The following RNGTT variants were observed in gnomAD, a reference collection of about 807,000 sequenced individuals.
RNGTT encodes RNA guanylyltransferase and 5'-phosphatase.
A neutral mutation model predicts 79.3 loss-of-function variants in RNGTT; 33 were observed. The observed-to-expected ratio is 0.42, with a 90% CI of 0.32 to 0.56. The LOEUF (loss-of-function observed/expected upper bound fraction) is 0.56, where lower values mean the gene tolerates loss of function less well. Ranked by LOEUF, RNGTT falls within the 20% of genes least tolerant of loss-of-function variation. The probability of loss-of-function intolerance (pLI) is 0.17; values close to 1 mark genes in which losing one functional copy is unlikely to be tolerated. For missense variants in RNGTT, 497 were observed against 739.1 expected (o/e 0.67, Z 3.80); for synonymous variants, 222 against 235.9 (o/e 0.94, Z 0.54).
At chr6:88,836,479 C>T (rs551736650) in intron 11 of RNGTT, among the ~76,000 whole-genome samples, 5 of 152,202 alleles carry the variant, frequency 3.3e-5, no homozygotes, top group South Asian at 2.1e-4. Flanking sequence ...TGGTGGCTCA[C>T]GCTTGTAATC....
chr6:88,638,088 A>C (rs1344011348), intron 14 of RNGTT, among the ~76,000 whole-genome samples: 1 of 152,100 alleles, frequency 6.6e-6, no homozygotes, highest in African/African-American at 2.4e-5. Flanking sequence ...AAGATTTTGG[A>C]CATAAACCTG....
chr6:88,738,137 T>C (rs998827167), intron 13 of RNGTT, among the ~76,000 whole-genome samples: 2 of 152,294 alleles, frequency 1.3e-5, no homozygotes, highest in African/African-American at 2.4e-5. Flanking sequence ...TACAGTGTGA[T>C]AGAAATCGCA....
chr6:88,904,441 G>A (rs989079875), intron 6 of RNGTT, among the ~76,000 whole-genome samples: 2 of 151,984 alleles, frequency 1.3e-5, no homozygotes, highest in African/African-American at 2.4e-5. Context: ...TTAGCCAGTC[G>A]TGTTGGCACA....
intron 6 of RNGTT, among the ~76,000 whole-genome samples, chr6:88,898,589 T>G (rs1783331437): frequency 6.6e-6 from 1 of 151,412 alleles, no homozygotes; most frequent in Non-Finnish European, 1.5e-5. Context: ...AATTTTTCCT[T>G]TCTTAGTATA....
intron 4 of RNGTT, among the ~76,000 whole-genome samples, chr6:88,914,945 T>C (rs1783950367): frequency 6.6e-6 from 1 of 151,656 alleles, no homozygotes; most frequent in Non-Finnish European, 1.5e-5. Flanking sequence ...ATAAACCCAT[T>C]AAAAAGTGGG....
intron 13 of RNGTT, among the ~76,000 whole-genome samples, chr6:88,729,885 G>C (rs1042324679): frequency 6.6e-6 from 1 of 152,090 alleles, no homozygotes; most frequent in South Asian, 2.1e-4. Flanking sequence ...AAAGTGGTTT[G>C]GTAAATGGAA....
intron 8 of RNGTT, among the ~76,000 whole-genome samples, chr6:88,879,671 G>T (rs925236667): frequency 6.6e-6 from 1 of 152,134 alleles, no homozygotes; most frequent in Non-Finnish European, 1.5e-5. Flanking sequence ...GGCTTAGCAT[G>T]AACTTACAAT....
At chr6:88,672,043 T>C (rs561406110) in intron 14 of RNGTT, among the ~76,000 whole-genome samples, 175 of 152,184 alleles carry the variant, frequency 1.1e-3, no homozygotes, top group Non-Finnish European at 2.1e-3. Context: ...CTTCTAGACA[T>C]TGGTTTAGGT....
At chr6:88,712,297 A>G (rs1776345951) in intron 13 of RNGTT, among the ~76,000 whole-genome samples, 1 of 152,208 alleles carries the variant, frequency 6.6e-6, no homozygotes, top group Non-Finnish European at 1.5e-5. Context: ...AATAAAAGGT[A>G]TAATAAATAG....
intron 14 of RNGTT, among the ~76,000 whole-genome samples, chr6:88,634,782 T>A (rs1374511030): frequency 3.0e-4 from 45 of 151,980 alleles, no homozygotes; most frequent in Admixed American, 2.9e-3. Context: ...TTAAAAAATA[T>A]AAAAGATGAA....
chr6:88,763,275 G>T (rs1306595854), intron 13 of RNGTT, among the ~76,000 whole-genome samples: 7 of 151,894 alleles, frequency 4.6e-5, no homozygotes, highest in African/African-American at 1.7e-4. Context: ...ATTTATCCAT[G>T]TGTCAGTTGA....
At chr6:88,747,609 G>T (rs779251105) in intron 13 of RNGTT, among the ~76,000 whole-genome samples, 1 of 152,162 alleles carries the variant, frequency 6.6e-6, no homozygotes, top group South Asian at 2.1e-4. Flanking sequence ...GTTTGATGGT[G>T]AGCCTAAAGT....
At chr6:88,761,464 C>A (rs749460159) in intron 13 of RNGTT, among the ~76,000 whole-genome samples, 1 of 152,122 alleles carries the variant, frequency 6.6e-6, no homozygotes, top group Admixed American at 6.6e-5. Flanking sequence ...GCACTCCAGC[C>A]TGGGCAACAG....
At chr6:88,669,288 C>T (rs1774538576) in intron 14 of RNGTT, among the ~76,000 whole-genome samples, 1 of 152,176 alleles carries the variant, frequency 6.6e-6, no homozygotes. Flanking sequence ...AAAATATAGC[C>T]CATTCCCTCA....
intron 14 of RNGTT, among the ~76,000 whole-genome samples, chr6:88,672,250 CAT>C (rs1380979076): frequency 2.1e-5 from 3 of 143,138 alleles, no homozygotes; most frequent in East Asian, 1.9e-4. Flanking sequence ...CACACACACA[CAT>C]ATATACACAC....
At chr6:88,823,265 T>C (rs1780552308) in intron 11 of RNGTT, among the ~76,000 whole-genome samples, 1 of 151,984 alleles carries the variant, frequency 6.6e-6, no homozygotes, top group Admixed American at 6.6e-5. Flanking sequence ...ACCCCGTCTC[T>C]ACTAAAAATA....
At chr6:88,843,950 G>GTATA (rs141786969) in intron 11 of RNGTT, among the ~76,000 whole-genome samples, 3 of 148,756 alleles carry the variant, frequency 2.0e-5, no homozygotes, top group Admixed American at 1.3e-4. Context: ...ATATATATCT[G>GTATA]TATATATATA....
chr6:88,848,061 G>C (rs1022959486), intron 10 of RNGTT, among the ~76,000 whole-genome samples: 1 of 151,078 alleles, frequency 6.6e-6, no homozygotes, highest in African/African-American at 2.4e-5. Context: ...ATACAAACTT[G>C]CAATTAAATC....
At chr6:88,694,509 AG>A (rs71554789) in intron 13 of RNGTT, among the ~76,000 whole-genome samples, 17,316 of 152,100 alleles carry the variant, frequency 0.11, 1,103 homozygotes, top group Middle Eastern at 0.23. Context: ...ATTGTTAAAA[AG>A]TCCATACTAC....
Sources: allele counts gnomAD v4.1 joint callset (sites outside exome capture counted in the v4.1 genomes callset), GRCh38; gene constraint gnomAD v4.1.1; transcripts MANE v1.5; gene names NCBI Gene and HGNC (gene_info 2026-07-23, HGNC 2026-07-21).